The following SLC11A2 variants were observed in gnomAD, a reference collection of about 807,000 sequenced individuals.
SLC11A2 encodes natural resistance-associated macrophage protein 2.
A neutral mutation model predicts 68.0 loss-of-function variants in SLC11A2; 38 were observed. That is an observed-to-expected ratio of 0.56 (90% CI 0.43 to 0.73). SLC11A2 has a LOEUF of 0.73. SLC11A2 is among the 30% of genes least tolerant of loss of function. The probability of loss-of-function intolerance (pLI) is 0.00; values close to 1 mark genes in which losing one functional copy is unlikely to be tolerated. For missense variants in SLC11A2, 517 were observed against 690.5 expected, an observed-to-expected ratio of 0.75 and a Z score of 2.82; for synonymous variants, 242 against 250.6, an observed-to-expected ratio of 0.97 and a Z score of 0.32.
At chr12:50,957,216 CTT>C in the SLC11A2 span, among the ~76,000 whole-genome samples, 1 of 145,864 alleles carries the variant, frequency 6.9e-6, no homozygotes. Context: ...GCTTTTTTTT[CTT>C]TTTTTTTTTA....
At chr12:50,994,767 C>A in intron 10 of SLC11A2, 137 bp from the exon 11 acceptor site, 1 of 681,122 alleles carries the variant, frequency 1.5e-6, no homozygotes, top group Admixed American at 2.2e-5. Context: ...GTGATGTGGG[C>A]AGAGACTAGC....
At chr12:51,008,281 G>T (rs57421747) in intron 3 of SLC11A2, 195 bp downstream of exon 3, 86 of 531,182 alleles carry the variant, frequency 1.6e-4, no homozygotes, top group Admixed American at 6.7e-4. Flanking sequence ...CAGACAGACA[G>T]AGATAGATAG....
the SLC11A2 span, among the ~76,000 whole-genome samples, chr12:50,963,693 G>A: frequency 3.3e-5 from 5 of 152,112 alleles, no homozygotes; most frequent in Admixed American, 6.6e-5. Flanking sequence ...AAACTGTACC[G>A]CAACAGTGTC....
the SLC11A2 span, among the ~76,000 whole-genome samples, chr12:50,953,050 G>T: frequency 6.6e-6 from 1 of 152,148 alleles, no homozygotes; most frequent in Admixed American, 6.5e-5. Context: ...GCTGCTACTG[G>T]TGAGTTTCTA....
chr12:50,968,871 G>T, the SLC11A2 span, among the ~76,000 whole-genome samples: 1 of 151,118 alleles, frequency 6.6e-6, no homozygotes, highest in East Asian at 2.0e-4. Flanking sequence ...GTAGAAATGG[G>T]TCTCGCTATT....
intron 1 of SLC11A2, chr12:51,025,574 A>G (rs577853577): frequency 1.1e-4 from 20 of 189,996 alleles, no homozygotes; most frequent in Admixed American, 2.6e-4. Flanking sequence ...CTCCTTCCAT[A>G]TAATTTTTGC....
At chr12:51,009,102 T>C in intron 2 of SLC11A2, 1 of 1,415,910 alleles carries the variant, frequency 7.1e-7, no homozygotes, top group Non-Finnish European at 9.6e-7. Flanking sequence ...ACCTCCTATA[T>C]TTGGTAGGAC....
chr12:50,990,506 A>G, intron 15 of SLC11A2: 1 of 322,806 alleles, frequency 3.1e-6, no homozygotes, highest in Admixed American at 4.5e-5. Flanking sequence ...TAAACAGCTG[A>G]TTTGACAATT....
chr12:50,980,084 G>A (rs1266523046), downstream of SLC11A2: 4 of 381,066 alleles, frequency 1.0e-5, no homozygotes, highest in East Asian at 7.3e-5. Flanking sequence ...AAATTAGCTG[G>A]GTGTGGTGGT....
At position 50,986,638 on chromosome 12, in the gene SLC11A2, C is replaced by T; in HGVS notation, c.*1687G>A. 7.8e-7 allele frequency: 1 copy of T among 1,286,770 alleles called. No homozygotes were observed. Among genetic ancestry groups the T allele is most frequent in the Non-Finnish European group, 1.0e-6 (1 of 988,534 alleles). 79.7% of individuals were successfully genotyped at this position (1,286,770 alleles called of 1,614,324 possible). On this transcript the variant is annotated 3_prime_UTR_variant, in exon 16 of 16. Transcript: ENST00000262052. ...AGGTGAGAGCTTAAGATGTCAGTCC[C>T]CAATATCTTCACAGAGTGCCTTTAT...
chr12:50,958,298 T>TC, the SLC11A2 span, among the ~76,000 whole-genome samples: 1 of 151,498 alleles, frequency 6.6e-6, no homozygotes, highest in African/African-American at 2.4e-5. Flanking sequence ...TTTTTTTTTT[T>TC]TTAGACGGAG....
chr12:50,994,570 T>C lies in SLC11A2; in HGVS notation c.1051A>G (p.Thr351Ala). ...CCTTTGTAGATGTCCACAGCCAGTG[T>C]CGAGTTATCTTTAGGAAAGAGGCCA... ...HAGLFPKDNS[T>A]LAVDIYKGGV... The change falls in exon 11 of 16, where the codon ACA becomes GCA. Residue 351 changes from threonine to alanine, a missense_variant. Physicochemically the swap from Thr to Ala is moderately conservative, Grantham distance 58 (BLOSUM62 0). Coordinates refer to ENST00000262052, the MANE Select transcript of SLC11A2 (RefSeq NM_000617.3). The C allele has an allele frequency of 1.2e-6, 2 of 1,611,628 alleles. No individual in the cohort carries two copies. The highest frequency in any genetic ancestry group is 1.7e-6 in the Non-Finnish European group (2 of 1,177,714).
At chr12:51,023,490 C>T (rs1013071396) in intron 1 of SLC11A2, among the ~76,000 whole-genome samples, 1 of 152,166 alleles carries the variant, frequency 6.6e-6, no homozygotes, top group East Asian at 1.9e-4. Context: ...GTAAGTGAGA[C>T]ATGGTCTGCA....
At chr12:51,000,179 T>C (rs1942081077) in intron 6 of SLC11A2, 134 bp downstream of exon 6, 1 of 718,240 alleles carries the variant, frequency 1.4e-6, no homozygotes, top group Non-Finnish European at 2.5e-6. Context: ...AAGAAATTGT[T>C]TCCAGAAAGG....
In SLC11A2 at chr12:50,995,786, G is replaced by A. The variant is rs1221199989; in HGVS notation, c.833C>T (p.Ser278Phe). Residue 278 changes from serine (S) to phenylalanine (F), a missense_variant and splice_region_variant, in exon 10 of 16, where the codon TCT becomes TTT. Physicochemically the swap from Ser to Phe is radical, Grantham distance 155. Coordinates refer to ENST00000262052, the MANE Select transcript of SLC11A2 (RefSeq NM_000617.3). ...NMYLHSALVK[S>F]RQVNRNNKQE... Reference sequence around the variant, plus strand: ...CTTATTGTTCCGGTTTACCTGTCTAGACTAGAAAGATAACAACAGCAGTCA... The same window carrying A: ...CTTATTGTTCCGGTTTACCTGTCTAAACTAGAAAGATAACAACAGCAGTCA... The A allele has an allele frequency of 6.2e-7, 1 of 1,613,808 alleles. No homozygotes were observed. Among genetic ancestry groups the A allele is most frequent in the African/African-American group, 1.3e-5 (1 of 74,922 alleles).
rs886049570 is a variant in SLC11A2, at chr12:51,026,321, C to T, written c.-50G>A. On this transcript the variant is annotated 5_prime_UTR_variant, in exon 1 of 16. Transcript: ENST00000262052. ...TGCCTTCCCCTCACCTTACCAGCTCCGCAACCACCTGACACGCCGCCCCCG... is the reference window on the plus strand; with the variant it reads ...TGCCTTCCCCTCACCTTACCAGCTCTGCAACCACCTGACACGCCGCCCCCG... The T allele has an allele frequency of 1.4e-4, 179 of 1,273,770 alleles. No individual in the cohort carries two copies. The highest frequency in any genetic ancestry group is 1.8e-4 in the Non-Finnish European group (173 of 977,400). The allele number at this position is 1,273,770 out of a possible 1,614,324, so 78.9% of individuals were successfully genotyped here.
chr12:50,953,961 G>A, the SLC11A2 span: 4 of 1,196,992 alleles, frequency 3.3e-6, no homozygotes, highest in South Asian at 2.5e-5. Flanking sequence ...ATGATTCACG[G>A]CAACCACATT....
intron 1 of SLC11A2, chr12:51,024,240 G>A (rs892616291): frequency 3.3e-5 from 5 of 152,228 alleles, no homozygotes; most frequent in African/African-American, 9.6e-5. Flanking sequence ...ATAGCACCAC[G>A]AGAATATGAG....
chr12:51,027,921 G>T (rs3809321), upstream of SLC11A2, among the ~76,000 whole-genome samples: 42 of 150,914 alleles, frequency 2.8e-4, no homozygotes, highest in African/African-American at 8.8e-4. Context: ...AAAAAGTGGG[G>T]GGGGGGGGCT....
Sources: gnomAD v4.1 joint callset for allele counts (sites outside exome capture counted in the v4.1 genomes callset) on GRCh38, gnomAD v4.1.1 for gene constraint, MANE v1.5 for transcripts, NCBI Gene and HGNC (gene_info 2026-07-23, HGNC 2026-07-21) for gene names.